The following CACNA2D3 variants were observed in gnomAD, a reference collection of about 807,000 sequenced individuals.
The protein encoded by CACNA2D3 is calcium voltage-gated channel auxiliary subunit alpha2delta 3.
Under a neutral mutation model 160.6 loss-of-function variants are expected in CACNA2D3, and 60 were observed. The observed-to-expected ratio is 0.37, with a 90% CI of 0.30 to 0.46. CACNA2D3 has a LOEUF of 0.46. Ranked by LOEUF, CACNA2D3 falls within the 20% of genes least tolerant of loss-of-function variation. The probability of loss-of-function intolerance (pLI) is 1.00; values close to 1 mark genes in which losing one functional copy is unlikely to be tolerated. For missense variants in CACNA2D3, 1,205 were observed against 1,365.0 expected (o/e 0.88, Z 1.85); for synonymous variants, 558 against 492.9 (o/e 1.13, Z -1.75).
chr3:54,441,855 A>C (rs533498385), intron 4 of CACNA2D3, among the ~76,000 whole-genome samples: 1 of 152,376 alleles, frequency 6.6e-6, no homozygotes, highest in East Asian at 1.9e-4. Flanking sequence ...TTTGATTGGC[A>C]TGGAAATGAC....
chr3:54,336,876 G>T (rs927119338), intron 3 of CACNA2D3, among the ~76,000 whole-genome samples: 6 of 152,150 alleles, frequency 3.9e-5, no homozygotes, highest in African/African-American at 1.4e-4. Context: ...ACACCCATAT[G>T]CATTTTCTAT....
At chr3:54,355,333 C>T (rs1338036841) in intron 3 of CACNA2D3, among the ~76,000 whole-genome samples, 1 of 152,166 alleles carries the variant, frequency 6.6e-6, no homozygotes, top group African/African-American at 2.4e-5. Context: ...ATCTGATTTC[C>T]AATCCGGGCA....
At chr3:54,463,162 C>A (rs1371926619) in intron 4 of CACNA2D3, among the ~76,000 whole-genome samples, 2 of 152,046 alleles carry the variant, frequency 1.3e-5, no homozygotes, top group Non-Finnish European at 2.9e-5. Flanking sequence ...GTCTGATGGG[C>A]TTCCCTTTGT....
rs368906363 is a variant in CACNA2D3 at position 54,458,493 on chromosome 3, G to A, written c.382-44999G>A. 1.1e-3 allele frequency among the ~76,000 whole-genome samples: 172 copies of A among 150,268 alleles called. 6 individuals carry two copies. The South Asian group carries it at 0.034, about 30-fold the overall frequency. On this transcript the variant is annotated intron_variant, in intron 4 of 37. Transcript: ENST00000474759. ...CTTTTACTACTTTGAATATATCATC[G>A]AATTATTTCCTGGCCTGTAAGGTTT...
intron 2 of CACNA2D3, among the ~76,000 whole-genome samples, chr3:54,252,933 C>G (rs1702223721): frequency 6.6e-6 from 1 of 152,194 alleles, no homozygotes; most frequent in South Asian, 2.1e-4. Flanking sequence ...CATCTGAAAT[C>G]ATTTCCTGGC....
chr3:54,473,940 A>G (rs1374918468), intron 4 of CACNA2D3, among the ~76,000 whole-genome samples: 1 of 152,210 alleles, frequency 6.6e-6, no homozygotes, highest in African/African-American at 2.4e-5. Flanking sequence ...ATGCTTTTAC[A>G]CTATTGGTAG....
At chr3:54,213,429 T>C (rs372618514) in intron 2 of CACNA2D3, among the ~76,000 whole-genome samples, 3 of 152,218 alleles carry the variant, frequency 2.0e-5, no homozygotes, top group African/African-American at 7.2e-5. Flanking sequence ...ACATCGATAA[T>C]ACAGGAACAA....
intron 2 of CACNA2D3, among the ~76,000 whole-genome samples, chr3:54,274,931 T>C (rs1473897664): frequency 2.0e-5 from 3 of 152,222 alleles, no homozygotes. Context: ...GCTTCACTTC[T>C]GTCATATTTT....
chr3:54,208,648 G>A (rs978909981), intron 2 of CACNA2D3, among the ~76,000 whole-genome samples: 10 of 152,106 alleles, frequency 6.6e-5, no homozygotes, highest in African/African-American at 9.7e-5. Context: ...GAGTATAGCC[G>A]TGCTTCTTTT....
intron 13 of CACNA2D3, 145 bp from the exon 14 acceptor site, chr3:54,816,708 A>C: frequency 1.2e-6 from 1 of 826,510 alleles, no homozygotes. Flanking sequence ...CATTTTGAAA[A>C]ATAACTTGCT....
intron 35 of CACNA2D3, among the ~76,000 whole-genome samples, chr3:55,033,472 T>G (rs1418041188): frequency 1.3e-5 from 2 of 151,272 alleles, no homozygotes; most frequent in Admixed American, 6.7e-5. Flanking sequence ...TTAGGTATAT[T>G]AAATGTTTTG....
At chr3:54,900,579 CACA>C (rs1700304162) in intron 27 of CACNA2D3, among the ~76,000 whole-genome samples, 1 of 152,136 alleles carries the variant, frequency 6.6e-6, no homozygotes. Context: ...GTGTGTCTGG[CACA>C]TGGTTTATTC....
intron 27 of CACNA2D3, among the ~76,000 whole-genome samples, chr3:54,945,028 C>T (rs1409642675): frequency 1.3e-5 from 2 of 152,146 alleles, no homozygotes; most frequent in African/African-American, 4.8e-5. Context: ...CTTAGCCAAA[C>T]TGGAGAATGG....
rs56788185 is a variant in CACNA2D3, at chr3:54,618,375, G to GCACACACACACACACA, written c.964-9389_964-9374dup. Among the ~76,000 whole-genome samples the GCACACACACACACACA allele has an allele frequency of 4.3e-3, 494 of 115,496 alleles. 11 individuals carry two copies. Among genetic ancestry groups the GCACACACACACACACA allele is most frequent in the African/African-American group, 0.015 (451 of 29,380 alleles). 75.8% of individuals were successfully genotyped at this position (115,496 alleles called of 152,430 possible). A position where few individuals can be genotyped will look rare whatever the true frequency, so the allele number is the denominator to read the frequency against. On this transcript the variant is annotated intron_variant, in intron 9 of 37. Coordinates refer to ENST00000474759, the MANE Select transcript of CACNA2D3 (RefSeq NM_018398.3). ...TACATATATATATATATATATATAT[G>GCACACACACACACACA]CACACACACACACACACACACACAC...
At chr3:54,208,719 T>A (rs1701317722) in intron 2 of CACNA2D3, among the ~76,000 whole-genome samples, 1 of 151,058 alleles carries the variant, frequency 6.6e-6, no homozygotes, top group Non-Finnish European at 1.5e-5. Flanking sequence ...TTTTAGAGCA[T>A]CACTGTGTAG....
chr3:54,897,069 CT>C (rs770455583), intron 26 of CACNA2D3, 199 bp downstream of exon 26: 9 of 534,738 alleles, frequency 1.7e-5, no homozygotes, highest in Non-Finnish European at 2.3e-5. Flanking sequence ...AAGGTTTTTC[CT>C]TTACCAAATT....
intron 4 of CACNA2D3, among the ~76,000 whole-genome samples, chr3:54,457,934 T>C (rs1700429360): frequency 6.6e-6 from 1 of 152,078 alleles, no homozygotes; most frequent in Non-Finnish European, 1.5e-5. Context: ...TGTATGGATA[T>C]CATTTTTCTA....
chr3:54,362,758 G>C (rs1012459610), intron 3 of CACNA2D3, among the ~76,000 whole-genome samples: 3 of 152,250 alleles, frequency 2.0e-5, no homozygotes, highest in Admixed American at 6.5e-5. Context: ...CTGAACAGCG[G>C]TGTGTGTCAA....
At chr3:54,648,569 G>A (rs1304527535) in intron 11 of CACNA2D3, among the ~76,000 whole-genome samples, 2 of 152,292 alleles carry the variant, frequency 1.3e-5, no homozygotes, top group South Asian at 2.1e-4. Flanking sequence ...TGGTAATGAC[G>A]GTTTTTCCCT....
Sources: gnomAD v4.1 joint callset for allele counts (sites outside exome capture counted in the v4.1 genomes callset) on GRCh38, gnomAD v4.1.1 for gene constraint, MANE v1.5 for transcripts, NCBI Gene and HGNC (gene_info 2026-07-23, HGNC 2026-07-21) for gene names.